Variants in LMF1 observed in about 807,000 individuals in gnomAD.
The protein encoded by LMF1 is lipase maturation factor 1.
A neutral mutation model predicts 60.6 loss-of-function variants in LMF1; 68 were observed. The ratio of observed to expected loss-of-function variants is 1.12; its 90% CI spans 0.92 to 1.37. LMF1 has a LOEUF of 1.37. Ranked by LOEUF, LMF1 falls within the 40% of genes most tolerant of loss-of-function variation. LMF1 has a pLI of 0.00. For missense variants in LMF1, 948 were observed against 767.2 expected (o/e 1.24, Z -2.78); for synonymous variants, 418 against 324.7 (o/e 1.29, Z -3.09).
At chr16:872,401 T>C (rs1220885825) in intron 6 of LMF1, 1 of 152,296 alleles carries the variant, frequency 6.6e-6, no homozygotes, top group African/African-American at 2.4e-5. Context: ...TTTTATGAAC[T>C]GTGCACTCAT....
At chr16:979,153 A>C (rs746331609) in intron 1 of LMF1, 3 of 444,818 alleles carry the variant, frequency 6.7e-6, no homozygotes, top group Non-Finnish European at 1.4e-5. Flanking sequence ...GTGACCCTCA[A>C]GCCATCCCGA....
intron 1 of LMF1, chr16:977,194 C>G (rs904318693): frequency 4.6e-6 from 2 of 431,586 alleles, no homozygotes; most frequent in Non-Finnish European, 9.4e-6. Flanking sequence ...GCAGACGCCA[C>G]CCCAGCCAAC....
intron 4 of LMF1, among the ~76,000 whole-genome samples, chr16:895,050 G>C (rs1043847184): frequency 6.6e-6 from 1 of 152,178 alleles, no homozygotes; most frequent in Non-Finnish European, 1.5e-5. Context: ...GGGCTGAGGA[G>C]GCCGCGGGGG....
intron 4 of LMF1, among the ~76,000 whole-genome samples, chr16:907,858 T>C (rs754404823): frequency 2.0e-5 from 3 of 152,234 alleles, no homozygotes; most frequent in African/African-American, 7.2e-5. Flanking sequence ...GTGCACCTGA[T>C]AATTTCTTCT....
At chr16:881,726 G>C (rs926590283) in intron 5 of LMF1, among the ~76,000 whole-genome samples, 6 of 152,222 alleles carry the variant, frequency 3.9e-5, no homozygotes, top group Admixed American at 6.5e-5. Context: ...CTTGTTGTGT[G>C]TTTGGGGTTG....
chr16:862,802 G>A (rs2069502185), intron 10 of LMF1, among the ~76,000 whole-genome samples: 1 of 152,168 alleles, frequency 6.6e-6, no homozygotes, highest in Non-Finnish European at 1.5e-5. Context: ...AGGCTACAGT[G>A]AGCCATGTTT....
chr16:905,439 T>C (rs1000498138), intron 4 of LMF1, among the ~76,000 whole-genome samples: 2 of 152,232 alleles, frequency 1.3e-5, no homozygotes, highest in African/African-American at 4.8e-5. Context: ...AGGAAGTATC[T>C]CAGTTTAATT....
At chr16:854,947 T>G in intron 10 of LMF1, 1 of 577,310 alleles carries the variant, frequency 1.7e-6, no homozygotes, top group Middle Eastern at 4.7e-4. Context: ...GGGGGGCAGC[T>G]CCGGGAGGGG....
intron 5 of LMF1, 94 bp downstream of exon 5, chr16:892,913 C>G: frequency 1.0e-6 from 1 of 956,678 alleles, no homozygotes; most frequent in Non-Finnish European, 1.5e-6. Flanking sequence ...GATGCGACAG[C>G]TCACCAGGGT....
chr16:978,884 C>T (rs962606363), intron 1 of LMF1: 1 of 429,234 alleles, frequency 2.3e-6, no homozygotes, highest in African/African-American at 2.0e-5. Context: ...AGACACTCTG[C>T]TCTAGCTTCC....
chr16:949,022 C>CAG (rs2072348940), intron 2 of LMF1, among the ~76,000 whole-genome samples: 1 of 96,782 alleles, frequency 1.0e-5, no homozygotes, highest in Non-Finnish European at 2.1e-5. Flanking sequence ...ACGACAGAGT[C>CAG]AGTCAATGAC....
intron 10 of LMF1, among the ~76,000 whole-genome samples, chr16:860,676 C>G (rs1269618773): frequency 6.6e-6 from 1 of 152,144 alleles, no homozygotes; most frequent in Non-Finnish European, 1.5e-5. Flanking sequence ...ACGTTGAAGT[C>G]CAGGATCCGT....
chr16:954,202 G>A (rs1391333587), intron 2 of LMF1, 155 bp downstream of exon 2: 4 of 817,772 alleles, frequency 4.9e-6, no homozygotes, highest in Non-Finnish European at 8.1e-6. Flanking sequence ...TGGTGCACTG[G>A]CCGCTCTGCC....
intron 3 of LMF1, among the ~76,000 whole-genome samples, chr16:916,988 G>A (rs911525793): frequency 2.6e-5 from 4 of 152,322 alleles, no homozygotes; most frequent in Admixed American, 6.5e-5. Flanking sequence ...ATTTCTCTGC[G>A]CAGCGAGCTC....
chr16:865,758 C>G lies in LMF1; in HGVS notation c.1529+3186G>C, dbSNP rs111905935. ...CCCTAAAGCTCACTCTGTCTTCCTC[C>G]TAGGACTCTGATGACATGAATTCTG... On this transcript the variant is annotated intron_variant, in intron 10 of 10. Transcript: ENST00000262301. Among the ~76,000 whole-genome samples the G allele has an allele frequency of 7.6e-3, 1,155 of 152,298 alleles. 18 individuals are homozygous for G. The highest frequency in any genetic ancestry group is 0.027 in the African/African-American group (1,110 of 41,546).
intron 3 of LMF1, among the ~76,000 whole-genome samples, chr16:928,527 G>A (rs1224706724): frequency 6.6e-6 from 1 of 152,150 alleles, no homozygotes; most frequent in African/African-American, 2.4e-5. Context: ...GAGACTTCCA[G>A]AACCCTTCCC....
intron 1 of LMF1, among the ~76,000 whole-genome samples, chr16:955,252 A>C (rs1243413984): frequency 1.0e-4 from 5 of 49,616 alleles, no homozygotes; most frequent in East Asian, 5.4e-4. Flanking sequence ...GTGTGTGCAT[A>C]CACACACACA....
intron 3 of LMF1, among the ~76,000 whole-genome samples, chr16:913,814 C>T (rs1033901934): frequency 2.9e-5 from 4 of 136,914 alleles, no homozygotes; most frequent in Non-Finnish European, 4.5e-5. Flanking sequence ...CCACCGGAGG[C>T]GTGGGGCACA....
chr16:928,119 C>T (rs890346291), intron 3 of LMF1, among the ~76,000 whole-genome samples: 2 of 152,224 alleles, frequency 1.3e-5, no homozygotes, highest in African/African-American at 4.8e-5. Context: ...GCTGGGACAG[C>T]CTGGCCGTCC....
Sources: gnomAD v4.1 joint callset for allele counts (sites outside exome capture counted in the v4.1 genomes callset) on GRCh38, gnomAD v4.1.1 for gene constraint, MANE v1.5 for transcripts, NCBI Gene and HGNC (gene_info 2026-07-23, HGNC 2026-07-21) for gene names.